Variants in DDHD1 observed in about 807,000 individuals in gnomAD.
DDHD1 encodes the protein phospholipase DDHD1.
Under a neutral mutation model 96.4 loss-of-function variants are expected in DDHD1, and 49 were observed. The ratio of observed to expected loss-of-function variants is 0.51; its 90% confidence interval spans 0.40 to 0.64. DDHD1 has a LOEUF of 0.64. Ranked by LOEUF, DDHD1 falls within the 30% of genes least tolerant of loss-of-function variation. The pLI is 0.00. For synonymous variants in DDHD1, 442 were observed against 446.5 expected (o/e 0.99, Z 0.13); for missense variants, 1,106 against 1,161.2 (o/e 0.95, Z 0.69).
At chr14:53,085,479 A>T (rs548767858) in intron 4 of DDHD1, among the ~76,000 whole-genome samples, 1 of 152,190 alleles carries the variant, frequency 6.6e-6, no homozygotes, top group African/African-American at 2.4e-5. Flanking sequence ...TGCTCTGCAG[A>T]CTCCGCTGGT....
chr14:53,111,177 C>T (rs1473756394), intron 1 of DDHD1, among the ~76,000 whole-genome samples: 2 of 151,928 alleles, frequency 1.3e-5, no homozygotes, highest in African/African-American at 4.8e-5. Flanking sequence ...TTTATGTGGC[C>T]GGGCGCGGTG....
Position 53,152,879 on chromosome 14 carries a change from G to C in DDHD1, c.220C>G (p.His74Asp). 1 of 1,610,252 alleles carries C rather than the reference G, an allele frequency of 6.2e-7. No individual in the cohort carries two copies. The highest frequency in any genetic ancestry group is 8.5e-7 in the Non-Finnish European group (1 of 1,178,518). Residue 74 changes from histidine (H) to aspartate (D), a missense_variant, in exon 1 of 13, where the codon CAC becomes GAC. This residue lies in a region of DDHD1 where 456 missense variants were observed against 402.4 expected (regional missense o/e 1.13). Transcript: ENST00000673822. ...GGGTCCAGCGCGAGGTGGTGGTTGT[G>C]GTCGTCGGTGCCCGGCGCCAAATGC... Reference protein sequence around the residue: ...GLHLAPGTDDHNHHLALDPCL... With the variant: ...GLHLAPGTDDDNHHLALDPCL...
chr14:53,128,561 T>C (rs1169257826), intron 1 of DDHD1, among the ~76,000 whole-genome samples: 2 of 152,210 alleles, frequency 1.3e-5, no homozygotes, highest in Non-Finnish European at 2.9e-5. Flanking sequence ...ACCTAGAGGT[T>C]TAGTATTTCA....
intron 4 of DDHD1, among the ~76,000 whole-genome samples, chr14:53,076,867 G>C (rs1167270257): frequency 2.0e-5 from 3 of 152,148 alleles, no homozygotes; most frequent in Non-Finnish European, 4.4e-5. Flanking sequence ...TTAAAATTAA[G>C]ATATGTACAC....
intron 4 of DDHD1, among the ~76,000 whole-genome samples, chr14:53,089,596 AAAACTGGCTAGCCATATGTAG>A (rs1398778009): frequency 1.3e-5 from 2 of 152,226 alleles, no homozygotes; most frequent in Non-Finnish European, 2.9e-5. Context: ...TGATGCTGGG[AAAACTGGCTAGCCATATGTAG>A]AAACTGGCTA....
intron 9 of DDHD1, among the ~76,000 whole-genome samples, chr14:53,056,301 AGATT>A (rs1883050379): frequency 6.6e-6 from 1 of 152,212 alleles, no homozygotes; most frequent in African/African-American, 2.4e-5. Context: ...GTTTTAAAAT[AGATT>A]GATACAGTAA....
chr14:53,137,128 TATAAAAA>T (rs1890296742), intron 1 of DDHD1, among the ~76,000 whole-genome samples: 1 of 151,800 alleles, frequency 6.6e-6, no homozygotes, highest in African/African-American at 2.4e-5. Flanking sequence ...AAAAATACAA[TATAAAAA>T]ATAAAACATG....
chr14:53,058,916 C>G (rs949041661), intron 8 of DDHD1, among the ~76,000 whole-genome samples: 1 of 152,064 alleles, frequency 6.6e-6, no homozygotes, highest in Non-Finnish European at 1.5e-5. Flanking sequence ...TATTGAGGTA[C>G]TACTTTGTGT....
At chr14:53,119,076 G>C (rs901518518) in intron 1 of DDHD1, among the ~76,000 whole-genome samples, 22 of 152,152 alleles carry the variant, frequency 1.4e-4, no homozygotes, top group Admixed American at 1.4e-3. Flanking sequence ...CTTCGAAAGT[G>C]AAGGAGAAAT....
In DDHD1 at chr14:53,042,788, A is replaced by G. The variant is rs189177596; in HGVS notation, c.*3980T>C. 1 of 152,336 alleles carries G rather than the reference A, an allele frequency of 6.6e-6. No individual in the cohort carries two copies. The highest frequency in any genetic ancestry group is 1.9e-4 in the East Asian group (1 of 5,188). The allele number at this position is 152,336 out of a possible 1,614,324, so 9.4% of individuals were successfully genotyped here. On this transcript the variant is annotated 3_prime_UTR_variant, in exon 13 of 13. Coordinates refer to ENST00000673822, the MANE Select transcript of DDHD1 (RefSeq NM_001160148.2). The stretch of plus-strand genomic sequence containing the variant: ...GCTACAGAGGTCAACTAACCCAAAC[A>G]TAGTTTAGCAAAACTTAGTTTCTTT...
rs1891587910 is a variant in DDHD1, at chr14:53,153,090, G to A, written c.9C>T (p.Tyr3=). Reference sequence around the variant, plus strand: ...GGCTCCGTGGGGACCCGCGGCCCGGGTAATTCATGCTGTGGAGACGCCGCC... The same window carrying A: ...GGCTCCGTGGGGACCCGCGGCCCGGATAATTCATGCTGTGGAGACGCCGCC... MN[Y]PGRGSPRSPE... is the part of the protein sequence containing the mutation. Residue 3 remains tyrosine (Y), a synonymous_variant, in exon 1 of 13, where the codon TAC becomes TAT. Coordinates refer to ENST00000673822, the MANE Select transcript of DDHD1 (RefSeq NM_001160148.2). The A allele has an allele frequency of 1.4e-6, 2 of 1,433,842 alleles. No homozygotes were observed. Among genetic ancestry groups the A allele is most frequent in the East Asian group, 2.9e-5 (1 of 34,548 alleles). 88.8% of individuals were successfully genotyped at this position (1,433,842 alleles called of 1,614,324 possible).
intron 4 of DDHD1, among the ~76,000 whole-genome samples, chr14:53,078,652 G>A (rs769439911): frequency 5.3e-5 from 8 of 151,794 alleles, no homozygotes; most frequent in African/African-American, 1.7e-4. Context: ...ATTTGCAAAC[G>A]GAGATAGTTT....
chr14:53,138,529 G>A (rs538715136), intron 1 of DDHD1, among the ~76,000 whole-genome samples: 5 of 152,280 alleles, frequency 3.3e-5, no homozygotes, highest in African/African-American at 4.8e-5. Context: ...ATGGCAAAAC[G>A]GCTATGAGGA....
chr14:53,054,425 T>C lies in DDHD1; in HGVS notation c.2437+13A>G, dbSNP rs751802473. ...ATACAGTATCAACTTAAGGAAATAA[T>C]GTATGAACTAACATGCAGAATCGAG... On this transcript the variant is annotated intron_variant, in intron 11 of 12. Transcript: ENST00000673822. The C allele has an allele frequency of 2.7e-5, 44 of 1,610,682 alleles. No individual in the cohort carries two copies. Among genetic ancestry groups the C allele is most frequent in the Non-Finnish European group, 3.3e-5 (39 of 1,177,530 alleles).
Position 53,144,346 on chromosome 14 carries a change from A to G in DDHD1, c.838+7915T>C, listed in dbSNP as rs1388888869. Among the ~76,000 whole-genome samples the G allele has an allele frequency of 2.6e-5, 4 of 152,370 alleles. No homozygotes were observed. The East Asian group carries it at 7.7e-4, about 29-fold the overall frequency. Reference sequence around the variant, plus strand: ...GCAAGTATCTTTTCCTAAACCTTACAGACAGGTACACTTGTCTCATATGGT... The same window carrying G: ...GCAAGTATCTTTTCCTAAACCTTACGGACAGGTACACTTGTCTCATATGGT... On this transcript the variant is annotated intron_variant, in intron 1 of 12. Transcript: ENST00000673822.
At chr14:53,085,165 C>G (rs1391041019) in intron 4 of DDHD1, among the ~76,000 whole-genome samples, 1 of 152,196 alleles carries the variant, frequency 6.6e-6, no homozygotes, top group African/African-American at 2.4e-5. Context: ...GAGGCCCGCA[C>G]GCCTCTGTAG....
At chr14:53,118,654 G>A (rs1331180986) in intron 1 of DDHD1, among the ~76,000 whole-genome samples, 3 of 152,072 alleles carry the variant, frequency 2.0e-5, no homozygotes, top group African/African-American at 7.2e-5. Flanking sequence ...AAGAAATATG[G>A]GACTATGTGA....
chr14:53,082,032 T>C (rs1352700378), intron 4 of DDHD1, among the ~76,000 whole-genome samples: 1 of 152,178 alleles, frequency 6.6e-6, no homozygotes, highest in African/African-American at 2.4e-5. Context: ...ATTTCTTAAA[T>C]ATCTCATAAG....
chr14:53,044,417 C>T lies in DDHD1; in HGVS notation c.*2351G>A, dbSNP rs892148059. The stretch of plus-strand genomic sequence containing the variant: ...TTAAAAGGTCTGACATAATTTCACT[C>T]TTCTCAGGTAAAAAGGGCTCTTCAT... On this transcript the variant is annotated 3_prime_UTR_variant, in exon 13 of 13. Coordinates refer to ENST00000673822, the MANE Select transcript of DDHD1 (RefSeq NM_001160148.2). 1 of 152,148 alleles carries T rather than the reference C, an allele frequency of 6.6e-6. No homozygotes were observed. Among genetic ancestry groups the T allele is most frequent in the Non-Finnish European group, 1.5e-5 (1 of 68,028 alleles). The allele number at this position is 152,148 out of a possible 1,614,324, so 9.4% of individuals were successfully genotyped here. A position where few individuals can be genotyped will look rare whatever the true frequency, so the allele number is the denominator to read the frequency against.
Sources: gnomAD v4.1 joint callset for allele counts (sites outside exome capture counted in the v4.1 genomes callset) on GRCh38, gnomAD v4.1.1 for gene constraint, gnomAD v4.1.1 regional missense constraint, MANE v1.5 for transcripts, NCBI Gene and HGNC (gene_info 2026-07-23, HGNC 2026-07-21) for gene names.